Variants in TACC2 observed in about 807,000 individuals in gnomAD.
TACC2 encodes transforming acidic coiled-coil-containing protein 2.
A neutral mutation model predicts 227.3 loss-of-function variants in TACC2; 137 were observed. The ratio of observed to expected loss-of-function variants is 0.60; its 90% CI spans 0.52 to 0.69. TACC2 has a LOEUF of 0.69. Among genes scored for constraint, TACC2 ranks in the 30% least tolerant of loss-of-function variants. The probability of loss-of-function intolerance (pLI) is 0.00; values close to 1 mark genes in which losing one functional copy is unlikely to be tolerated. For missense variants in TACC2, 3,470 were observed against 3,694.4 expected (o/e 0.94, Z 1.57); for synonymous variants, 1,523 against 1,487.5 (o/e 1.02, Z -0.55).
intron 1 of TACC2, among the ~76,000 whole-genome samples, chr10:122,005,493 T>A (rs1281658684): frequency 6.6e-6 from 1 of 150,494 alleles, no homozygotes; most frequent in African/African-American, 2.4e-5. Flanking sequence ...CACGCCATTC[T>A]CCCACCTCAG....
At chr10:121,992,538 C>T (rs990244099) in intron 1 of TACC2, among the ~76,000 whole-genome samples, 2 of 152,184 alleles carry the variant, frequency 1.3e-5, no homozygotes, top group African/African-American at 4.8e-5. Flanking sequence ...CTTTTATGTA[C>T]ATCATCATGA....
chr10:122,022,894 A>C (rs1463028771), intron 2 of TACC2: 1 of 152,236 alleles, frequency 6.6e-6, no homozygotes, highest in Non-Finnish European at 1.5e-5. Context: ...GTTTTAACTT[A>C]ATGCGTTGGT....
intron 7 of TACC2, among the ~76,000 whole-genome samples, chr10:122,171,496 C>T (rs1240223381): frequency 6.6e-6 from 1 of 152,234 alleles, no homozygotes; most frequent in Non-Finnish European, 1.5e-5. Flanking sequence ...GCTTCACTTA[C>T]TCCAAGGTGT....
intron 5 of TACC2, among the ~76,000 whole-genome samples, chr10:122,096,946 A>G (rs1281327667): frequency 3.9e-5 from 6 of 152,168 alleles, no homozygotes; most frequent in Admixed American, 2.0e-4. Flanking sequence ...TTCTTTTTCC[A>G]GGGAAGGCAC....
chr10:122,102,773 G>A (rs370129200), intron 5 of TACC2, among the ~76,000 whole-genome samples: 1 of 152,142 alleles, frequency 6.6e-6, no homozygotes, highest in African/African-American at 2.4e-5. Flanking sequence ...GTGTGAACTG[G>A]GCTCTGTGTG....
At chr10:122,113,826 A>AGCGTCCCCTCC (rs1478596785) in intron 5 of TACC2, among the ~76,000 whole-genome samples, 1 of 152,210 alleles carries the variant, frequency 6.6e-6, no homozygotes, top group Non-Finnish European at 1.5e-5. Flanking sequence ...GACCCGCCCG[A>AGCGTCCCCTCC]GCGTCCCCTC....
chr10:122,061,634 G>T (rs1284990182), intron 3 of TACC2, among the ~76,000 whole-genome samples: 7 of 152,166 alleles, frequency 4.6e-5, no homozygotes, highest in African/African-American at 1.7e-4. Context: ...GCCTTTTTAG[G>T]GGGTCGGTGT....
At chr10:122,203,164 G>T (rs1337268452) in intron 8 of TACC2, among the ~76,000 whole-genome samples, 1 of 152,182 alleles carries the variant, frequency 6.6e-6, no homozygotes, top group Non-Finnish European at 1.5e-5. Flanking sequence ...CGTTCTCAAC[G>T]AGCTGCTGGG....
chr10:122,237,335 T>C (rs1232642247), intron 16 of TACC2, 60 bp from the exon 17 acceptor site: 4 of 1,512,962 alleles, frequency 2.6e-6, no homozygotes, highest in Non-Finnish European at 3.6e-6. Context: ...GTGAGTGTAA[T>C]CCTCTTTGTC....
At chr10:122,093,862 A>G (rs1022761293) in intron 5 of TACC2, among the ~76,000 whole-genome samples, 6 of 152,230 alleles carry the variant, frequency 3.9e-5, no homozygotes, top group Non-Finnish European at 5.9e-5. Flanking sequence ...CTTCGAAACC[A>G]TCCTGGAAAT....
intron 7 of TACC2, among the ~76,000 whole-genome samples, chr10:122,166,843 G>T (rs988880209): frequency 6.6e-6 from 1 of 152,206 alleles, no homozygotes; most frequent in Non-Finnish European, 1.5e-5. Flanking sequence ...AATATGAGTA[G>T]CAAGGGGAGG....
chr10:122,045,772 A>G (rs2136103044), intron 2 of TACC2, among the ~76,000 whole-genome samples: 1 of 152,374 alleles, frequency 6.6e-6, no homozygotes, highest in African/African-American at 2.4e-5. Flanking sequence ...AAGAGCTTTG[A>G]AAAGTGCAAT....
chr10:122,121,127 C>G (rs913422602), intron 5 of TACC2, among the ~76,000 whole-genome samples: 1 of 152,172 alleles, frequency 6.6e-6, no homozygotes, highest in Non-Finnish European at 1.5e-5. Flanking sequence ...GAAGGAGCAG[C>G]CTGTGCACCT....
rs371288814 is a variant in TACC2 at position 122,236,271 on chromosome 10, ATC to A, written c.8128-1112_8128-1111del. Among the ~76,000 whole-genome samples, 49 of 151,436 alleles carry A rather than the reference ATC, an allele frequency of 3.2e-4. No homozygotes were observed. The South Asian group carries it at 7.4e-3, about 23-fold the overall frequency. ...TAAGCCCTCATTATTCTTTCCCCAA[ATC>A]TCTCTCTCTCTACTACACTGTGGTA... is the stretch of plus-strand genomic sequence containing the variant. On this transcript the variant is annotated intron_variant, in intron 16 of 22. Transcript: ENST00000369005.
chr10:122,120,938 C>T (rs2085649952), intron 5 of TACC2, among the ~76,000 whole-genome samples: 1 of 152,080 alleles, frequency 6.6e-6, no homozygotes. Context: ...CTAATTTTTG[C>T]ATTTTTTGGT....
intron 2 of TACC2, chr10:122,033,106 G>A (rs1458435301): frequency 1.2e-4 from 157 of 1,289,252 alleles, no homozygotes; most frequent in East Asian, 7.2e-4. Context: ...GGAGGACTCC[G>A]TCTTGCATAA....
chr10:122,125,863 G>A (rs576166024), intron 5 of TACC2, among the ~76,000 whole-genome samples: 2 of 141,334 alleles, frequency 1.4e-5, no homozygotes, highest in South Asian at 4.5e-4. Flanking sequence ...TGCAACTTCT[G>A]CCTCCCAGGT....
At chr10:122,071,780 A>C (rs2078095130) in intron 3 of TACC2, among the ~76,000 whole-genome samples, 2 of 149,350 alleles carry the variant, frequency 1.3e-5, no homozygotes, top group African/African-American at 2.5e-5. Context: ...CCAGCTACTC[A>C]GGAGGCTGAG....
At chr10:122,078,037 A>G (rs2079016822) in intron 3 of TACC2, among the ~76,000 whole-genome samples, 1 of 151,934 alleles carries the variant, frequency 6.6e-6, no homozygotes, top group African/African-American at 2.4e-5. Flanking sequence ...TCTACTAAAA[A>G]TACAAAAATT....
Sources: gnomAD v4.1 joint callset for allele counts (sites outside exome capture counted in the v4.1 genomes callset) on GRCh38, gnomAD v4.1.1 for gene constraint, MANE v1.5 for transcripts, NCBI Gene and HGNC (gene_info 2026-07-23, HGNC 2026-07-21) for gene names.